WDFY4: variants seen among roughly 807,000 people sequenced by gnomAD.
WDFY4 encodes the protein WDFY family member 4.
A neutral mutation model predicts 351.9 loss-of-function variants in WDFY4; 169 were observed. That is an observed-to-expected ratio of 0.48 (90% confidence interval 0.42 to 0.55). The LOEUF (loss-of-function observed/expected upper bound fraction) is 0.55. WDFY4 is among the 20% of genes least tolerant of loss of function. The probability of loss-of-function intolerance (pLI) is 0.00; values close to 1 mark genes in which losing one functional copy is unlikely to be tolerated. For synonymous variants in WDFY4, 1,622 were observed against 1,574.6 expected (o/e 1.03, Z -0.71); for missense variants, 3,803 against 3,935.6 (o/e 0.97, Z 0.90).
In WDFY4 at chr10:48,875,231, G is replaced by C. The variant is rs910809013; in HGVS notation, c.7000+91G>C. 24 of 754,178 alleles carry C rather than the reference G, an allele frequency of 3.2e-5. No individual in the cohort carries two copies. The African/African-American group carries it at 4.5e-4, about 14-fold the overall frequency. 46.7% of individuals were successfully genotyped at this position (754,178 alleles called of 1,614,324 possible). On this transcript the variant is annotated intron_variant, in intron 42 of 61. Transcript: ENST00000325239. Reference sequence around the variant, plus strand: ...TTAAAGATATTAAATTAATATTTTAGAAGAGGAAAATGCTATTGTAGCCAG... The same window carrying C: ...TTAAAGATATTAAATTAATATTTTACAAGAGGAAAATGCTATTGTAGCCAG...
chr10:48,692,747 C>T (rs374509819), intron 1 of WDFY4, among the ~76,000 whole-genome samples: 1 of 152,184 alleles, frequency 6.6e-6, no homozygotes, highest in South Asian at 2.1e-4. Context: ...GCTTTCACTG[C>T]CTAACTTCTC....
At chr10:48,862,824 C>A (rs1589769046) in intron 39 of WDFY4, among the ~76,000 whole-genome samples, 2 of 152,128 alleles carry the variant, frequency 1.3e-5, no homozygotes, top group East Asian at 3.9e-4. Flanking sequence ...AATTTTATAA[C>A]ATTTTATAAC....
At chr10:48,804,069 C>T (rs1369350897) in intron 25 of WDFY4, among the ~76,000 whole-genome samples, 18 of 152,196 alleles carry the variant, frequency 1.2e-4, no homozygotes, top group Admixed American at 1.1e-3. Context: ...AACTGTGTCC[C>T]ATGACTGGGC....
At chr10:48,760,240 G>A in intron 12 of WDFY4, 107 bp from the exon 13 acceptor site, 1 of 983,676 alleles carries the variant, frequency 1.0e-6, no homozygotes, top group Non-Finnish European at 1.5e-6. Flanking sequence ...AATAAGACAG[G>A]ATGTGTACCA....
rs1565198497 is a variant in WDFY4, at chr10:48,787,897, C to CTTT, written c.3809-631_3809-630insTTT. 1.9e-4 allele frequency among the ~76,000 whole-genome samples: 5 copies of CTTT among 26,082 alleles called. 2 individuals are homozygous for CTTT. Among genetic ancestry groups the CTTT allele is most frequent in the African/African-American group, 9.0e-4 (5 of 5,532 alleles). 17.1% of individuals were successfully genotyped at this position (26,082 alleles called of 152,430 possible). ...TTCTTTCTTTCTTCTTCTTCTCCTT[C>CTTT]TTCTTCTTCTTCTTCTTCTTCTTCT... is the stretch of plus-strand genomic sequence containing the variant. On this transcript the variant is annotated intron_variant, in intron 20 of 61. Transcript: ENST00000325239.
At chr10:48,845,066 C>T (rs1487750537) in intron 39 of WDFY4, among the ~76,000 whole-genome samples, 3 of 152,062 alleles carry the variant, frequency 2.0e-5, no homozygotes, top group South Asian at 2.1e-4. Context: ...GCCAAAGCTC[C>T]GGGGTACAAA....
intron 10 of WDFY4, 47 bp from the exon 11 acceptor site, chr10:48,735,833 C>A: frequency 6.8e-7 from 1 of 1,473,068 alleles, no homozygotes. Context: ...ACTGAAGTGG[C>A]AAGCTTCCCC....
At chr10:48,805,841 T>C in intron 26 of WDFY4, among the ~76,000 whole-genome samples, 163 bp from the exon 27 acceptor site, 1 of 152,350 alleles carries the variant, frequency 6.6e-6, no homozygotes, top group Non-Finnish European at 1.5e-5. Context: ...GAATCCTGAC[T>C]GATTTTAGAA....
chr10:48,949,659 G>A (rs1841224138), intron 51 of WDFY4, among the ~76,000 whole-genome samples: 2 of 152,316 alleles, frequency 1.3e-5, no homozygotes, highest in South Asian at 4.1e-4. Context: ...TGGGGAGGCT[G>A]TGGAACCCAG....
chr10:48,861,219 A>G (rs2069331423), intron 39 of WDFY4, among the ~76,000 whole-genome samples: 1 of 152,192 alleles, frequency 6.6e-6, no homozygotes, highest in African/African-American at 2.4e-5. Flanking sequence ...AACCATCACT[A>G]ATAATTTAGA....
At chr10:48,829,907 T>C (rs1295151599) in intron 37 of WDFY4, among the ~76,000 whole-genome samples, 2 of 152,228 alleles carry the variant, frequency 1.3e-5, no homozygotes, top group Non-Finnish European at 2.9e-5. Context: ...GTAGCTGCCA[T>C]GCTCAAAAAT....
Position 48,786,792 on chromosome 10 carries a change from A to G in WDFY4, c.3730A>G (p.Ile1244Val), listed in dbSNP as rs1340342282. 3 of 1,552,264 alleles carry G rather than the reference A, an allele frequency of 1.9e-6. No homozygotes were observed. In the East Asian group the frequency reaches 7.3e-5, roughly 38 times the overall value. ...CCCCACATACCTCTTTGAAGAAGCC[A>G]TTTCAATGGAAACTCTGGAAGTTAT... ...LGPTYLFEEA[I>V]SMETLEVINK... The change falls in exon 20 of 62, where the codon ATT (isoleucine) becomes GTT (valine). Residue 1244 changes from isoleucine (I) to valine (V), a missense_variant. Around this residue, in one of 3 missense-constraint regions of WDFY4, gnomAD observed 3,054 missense variants for 3,148.6 expected, o/e 0.97. Coordinates refer to ENST00000325239, the MANE Select transcript of WDFY4 (RefSeq NM_001394531.1).
intron 2 of WDFY4, among the ~76,000 whole-genome samples, chr10:48,711,817 T>C (rs540209435): frequency 1.3e-5 from 2 of 152,326 alleles, no homozygotes; most frequent in African/African-American, 4.8e-5. Flanking sequence ...AGTGGCCATT[T>C]TTTTTCAAAA....
intron 1 of WDFY4, among the ~76,000 whole-genome samples, chr10:48,706,884 A>G (rs2063645563): frequency 6.6e-6 from 1 of 152,266 alleles, no homozygotes; most frequent in Admixed American, 6.5e-5. Flanking sequence ...ACATTACTCT[A>G]TGGCCACCAT....
chr10:48,865,871 T>A (rs935907059), intron 39 of WDFY4, among the ~76,000 whole-genome samples: 1 of 152,172 alleles, frequency 6.6e-6, no homozygotes, highest in Non-Finnish European at 1.5e-5. Flanking sequence ...GGCATACAAT[T>A]GTTTATAGTA....
At chr10:48,823,079 G>A (rs2067878381) in intron 35 of WDFY4, 6 of 1,232,214 alleles carry the variant, frequency 4.9e-6, no homozygotes, top group African/African-American at 4.7e-5. Flanking sequence ...TACCTGTAGG[G>A]CCATCATTGA....
At chr10:48,793,326 A>G (rs1335799564) in intron 23 of WDFY4, among the ~76,000 whole-genome samples, 1 of 152,258 alleles carries the variant, frequency 6.6e-6, no homozygotes, top group Non-Finnish European at 1.5e-5. Context: ...ACACTTACAC[A>G]TGAAGGCAGA....
At chr10:48,801,519 G>A (rs2067088633) in intron 24 of WDFY4, 1 of 456,588 alleles carries the variant, frequency 2.2e-6, no homozygotes, top group Admixed American at 2.4e-5. Context: ...GTATGTTGGG[G>A]TGCCATGCTG....
intron 54 of WDFY4, 36 bp downstream of exon 54, chr10:48,964,090 A>G (rs768142787): frequency 3.9e-6 from 6 of 1,543,956 alleles, no homozygotes; most frequent in South Asian, 1.2e-5. Flanking sequence ...TGCTTTCTCA[A>G]AAGAGTGTGT....
Sources: allele counts gnomAD v4.1 joint callset (sites outside exome capture counted in the v4.1 genomes callset), GRCh38; gene constraint gnomAD v4.1.1; regional missense constraint gnomAD v4.1.1; transcripts MANE v1.5; gene names NCBI Gene and HGNC (gene_info 2026-07-23, HGNC 2026-07-21).